KDM4C: variants seen among roughly 807,000 people sequenced by gnomAD.
KDM4C encodes lysine-specific demethylase 4C.
A neutral mutation model predicts 129.3 loss-of-function variants in KDM4C; 81 were observed. That is an observed-to-expected ratio of 0.63 (90% CI 0.52 to 0.75). The LOEUF is 0.75. Among genes scored for constraint, KDM4C ranks in the 30% least tolerant of loss-of-function variants. The pLI, the probability that KDM4C is intolerant of heterozygous loss-of-function variation, is 0.00. For missense variants in KDM4C, 1,457 were observed against 1,304.0 expected (o/e 1.12, Z -1.81); for synonymous variants, 573 against 456.1 (o/e 1.26, Z -3.26).
intron 8 of KDM4C, among the ~76,000 whole-genome samples, chr9:6,908,357 G>A (rs938307698): frequency 2.0e-5 from 3 of 152,164 alleles, no homozygotes; most frequent in South Asian, 2.1e-4. Context: ...GCTGCTGTGC[G>A]AAGTGGGTAC....
chr9:6,763,505 A>G (rs1820001023), intron 1 of KDM4C, among the ~76,000 whole-genome samples: 1 of 152,136 alleles, frequency 6.6e-6, no homozygotes, highest in African/African-American at 2.4e-5. Context: ...CCCTACCCTC[A>G]TGCAAGCCCA....
At chr9:7,122,053 A>C (rs111775844) in intron 18 of KDM4C, among the ~76,000 whole-genome samples, 2 of 151,950 alleles carry the variant, frequency 1.3e-5, no homozygotes, top group Non-Finnish European at 2.9e-5. Context: ...TCGCATTGCT[A>C]TGAAGAACTA....
chr9:7,021,848 G>T (rs1322640856), intron 15 of KDM4C, among the ~76,000 whole-genome samples: 1 of 152,030 alleles, frequency 6.6e-6, no homozygotes. Flanking sequence ...AAGAGATAGG[G>T]GTCAAGTTTC....
At chr9:6,759,268 C>T (rs563340434) in intron 1 of KDM4C, among the ~76,000 whole-genome samples, 7 of 152,162 alleles carry the variant, frequency 4.6e-5, no homozygotes, top group Middle Eastern at 3.4e-3. Context: ...TTTCAGTTTG[C>T]GGTATTTAAA....
At chr9:6,893,920 G>A (rs1233659598) in intron 8 of KDM4C, among the ~76,000 whole-genome samples, 4 of 152,194 alleles carry the variant, frequency 2.6e-5, no homozygotes, top group African/African-American at 9.6e-5. Flanking sequence ...TTTCTATTAG[G>A]TTTGCTTCCT....
intron 17 of KDM4C, among the ~76,000 whole-genome samples, chr9:7,059,640 C>G (rs1831337978): frequency 6.6e-6 from 1 of 152,100 alleles, no homozygotes. Context: ...TTATGTGTGT[C>G]AAACCACATA....
At chr9:6,842,590 G>GCT (rs959266951) in intron 4 of KDM4C, among the ~76,000 whole-genome samples, 37 of 151,936 alleles carry the variant, frequency 2.4e-4, no homozygotes, top group African/African-American at 8.9e-4. Flanking sequence ...TCTGCCTTGG[G>GCT]CTCCCAAAGT....
intron 20 of KDM4C, among the ~76,000 whole-genome samples, chr9:7,168,206 CA>C (rs934894155): frequency 2.7e-5 from 4 of 150,264 alleles, no homozygotes; most frequent in Non-Finnish European, 5.9e-5. Flanking sequence ...AACCAAAAAC[CA>C]AAAAAAAATT....
chr9:7,068,029 C>G (rs1053120507), intron 17 of KDM4C, among the ~76,000 whole-genome samples: 2 of 152,122 alleles, frequency 1.3e-5, no homozygotes, highest in East Asian at 1.9e-4. Context: ...ATCTCCTGAC[C>G]TCGTGATCCA....
At chr9:7,159,455 T>C (rs1413962718) in intron 19 of KDM4C, among the ~76,000 whole-genome samples, 3 of 152,260 alleles carry the variant, frequency 2.0e-5, no homozygotes, top group Non-Finnish European at 4.4e-5. Context: ...CTCATGTTTT[T>C]GCAGTGGCTG....
chr9:6,944,366 A>G (rs983389893), intron 8 of KDM4C, among the ~76,000 whole-genome samples: 1 of 152,218 alleles, frequency 6.6e-6, no homozygotes, highest in African/African-American at 2.4e-5. Context: ...GATTTCATGC[A>G]CATCAGTTCT....
At chr9:7,117,626 T>TACACACACACACACACACACACAC (rs71315578) in intron 18 of KDM4C, among the ~76,000 whole-genome samples, 1 of 146,916 alleles carries the variant, frequency 6.8e-6, no homozygotes, top group Non-Finnish European at 1.5e-5. Context: ...TGTTAATTTC[T>TACACACACACACACACACACACAC]ACACACACAC....
At chr9:6,799,960 C>T (rs1164934117) in intron 2 of KDM4C, among the ~76,000 whole-genome samples, 3 of 151,846 alleles carry the variant, frequency 2.0e-5, no homozygotes, top group Admixed American at 6.6e-5. Flanking sequence ...TGGTGGCTCA[C>T]GCCTGTAGTC....
At chr9:6,867,015 ATATTTTTTTT>A (rs1198930353) in intron 5 of KDM4C, among the ~76,000 whole-genome samples, 4 of 114,252 alleles carry the variant, frequency 3.5e-5, no homozygotes, top group African/African-American at 1.3e-4. Context: ...ATATATATAT[ATATTTTTTTT>A]TTTTTTTGGA....
chr9:6,949,126 A>T (rs1221426822), intron 8 of KDM4C, among the ~76,000 whole-genome samples: 1 of 150,166 alleles, frequency 6.7e-6, no homozygotes, highest in Non-Finnish European at 1.5e-5. Context: ...CTCACTTCCC[A>T]GACGGGGCGG....
chr9:6,843,541 C>T (rs1837346900), intron 4 of KDM4C, among the ~76,000 whole-genome samples: 1 of 152,130 alleles, frequency 6.6e-6, no homozygotes, highest in Non-Finnish European at 1.5e-5. Flanking sequence ...TCCTGTGGTC[C>T]TTTCAAGGTA....
intron 15 of KDM4C, among the ~76,000 whole-genome samples, chr9:7,022,457 C>A (rs1359808985): frequency 6.6e-6 from 1 of 151,818 alleles, no homozygotes; most frequent in Non-Finnish European, 1.5e-5. Context: ...TTAGATTGTT[C>A]ACTGTTGGTA....
chr9:6,887,925 A>C, intron 6 of KDM4C, 35 bp from the exon 7 acceptor site: 1 of 1,197,030 alleles, frequency 8.4e-7, no homozygotes, highest in Non-Finnish European at 1.3e-6. Context: ...CTCTTAATCG[A>C]CACAGTGCCA....
At chr9:6,777,916 CTTT>C (rs35889810) in intron 1 of KDM4C, among the ~76,000 whole-genome samples, 1 of 137,660 alleles carries the variant, frequency 7.3e-6, no homozygotes, top group Non-Finnish European at 1.6e-5. Context: ...GTTTTCAGGC[CTTT>C]TTTTTTTTTT....
Sources: allele counts gnomAD v4.1 joint callset (sites outside exome capture counted in the v4.1 genomes callset), GRCh38; gene constraint gnomAD v4.1.1; transcripts MANE v1.5; gene names NCBI Gene and HGNC (gene_info 2026-07-23, HGNC 2026-07-21).